Variants in ARHGEF10L observed in about 807,000 individuals in gnomAD.
ARHGEF10L encodes rho guanine nucleotide exchange factor 10-like protein.
In ARHGEF10L, 69 loss-of-function variants were observed where a neutral mutation model predicts 141.2. That is an observed-to-expected ratio of 0.49 (90% CI 0.40 to 0.60). The LOEUF (loss-of-function observed/expected upper bound fraction) is 0.60, where lower values mean the gene tolerates loss of function less well. ARHGEF10L is among the 20% of genes least tolerant of loss of function. The probability of loss-of-function intolerance (pLI) is 0.00; values close to 1 mark genes in which losing one functional copy is unlikely to be tolerated. For synonymous variants in ARHGEF10L, 711 were observed against 718.5 expected (o/e 0.99, Z 0.17); for missense variants, 1,482 against 1,734.3 (o/e 0.85, Z 2.58).
At chr1:17,689,968 T>C (rs2102541716) in intron 27 of ARHGEF10L, 1 of 393,808 alleles carries the variant, frequency 2.5e-6, no homozygotes, top group Non-Finnish European at 5.1e-6. Context: ...CCCGTTGTCT[T>C]ACTTACTCTT....
intron 1 of ARHGEF10L, among the ~76,000 whole-genome samples, chr1:17,556,294 A>AG (rs374230139): frequency 1.9e-5 from 1 of 52,692 alleles, no homozygotes; most frequent in Non-Finnish European, 2.9e-5. Flanking sequence ...CTGGGAGCAC[A>AG]GGGCGGGCCT....
At chr1:17,652,459 G>A (rs1193782333) in intron 22 of ARHGEF10L, among the ~76,000 whole-genome samples, 4 of 152,106 alleles carry the variant, frequency 2.6e-5, no homozygotes. Context: ...TTCCTGACTG[G>A]GTCACCTTGA....
At chr1:17,696,248 A>T (rs1168413948) in intron 28 of ARHGEF10L, among the ~76,000 whole-genome samples, 5 of 150,080 alleles carry the variant, frequency 3.3e-5, no homozygotes, top group African/African-American at 4.9e-5. Context: ...AAATTCTGAG[A>T]TTTTCTATTT....
chr1:17,606,142 G>A (rs531673655), intron 6 of ARHGEF10L, among the ~76,000 whole-genome samples: 3 of 152,290 alleles, frequency 2.0e-5, no homozygotes, highest in Non-Finnish European at 4.4e-5. Flanking sequence ...TGCGTGCTAT[G>A]TGTCAGGCAC....
intron 25 of ARHGEF10L, among the ~76,000 whole-genome samples, chr1:17,663,111 C>T (rs2062733348): frequency 6.6e-6 from 1 of 152,130 alleles, no homozygotes; most frequent in Non-Finnish European, 1.5e-5. Context: ...TGAGAAGAAA[C>T]AATCTTGGCG....
Position 17,642,384 on chromosome 1 carries a change from T to C in ARHGEF10L, c.2272+2082T>C, listed in dbSNP as rs548623269. Among the ~76,000 whole-genome samples the C allele has an allele frequency of 4.6e-5, 7 of 152,000 alleles. No individual in the cohort carries two copies. In the East Asian group the frequency reaches 1.4e-3, roughly 29 times the overall value. ...GGCAGATGAAGGGGAGGGAGGTAGG[T>C]GGGTGTGTTGCGGGCAGGTTTTCTG... On this transcript the variant is annotated intron_variant, in intron 21 of 28. Transcript: ENST00000361221.
chr1:17,690,540 C>G (rs940306285), intron 27 of ARHGEF10L, among the ~76,000 whole-genome samples: 1 of 152,268 alleles, frequency 6.6e-6, no homozygotes, highest in Non-Finnish European at 1.5e-5. Flanking sequence ...CCATTCCTGT[C>G]GCATCAGCTG....
At chr1:17,637,818 G>A in intron 18 of ARHGEF10L, 70 bp from the exon 19 acceptor site, 3 of 1,410,232 alleles carry the variant, frequency 2.1e-6, no homozygotes, top group Middle Eastern at 1.8e-4. Flanking sequence ...GATCTTTTTT[G>A]TTGTGAGCAG....
At chr1:17,549,650 T>C (rs772786145) in intron 1 of ARHGEF10L, among the ~76,000 whole-genome samples, 3 of 152,110 alleles carry the variant, frequency 2.0e-5, no homozygotes, top group Non-Finnish European at 4.4e-5. Context: ...TTGGCCTGTT[T>C]AGGAGGGTGT....
Position 17,697,682 on chromosome 1 carries a change from G to A in ARHGEF10L, c.*302G>A, listed in dbSNP as rs528377771. 1.2e-4 allele frequency: 64 copies of A among 551,540 alleles called. No individual in the cohort carries two copies. The highest frequency in any genetic ancestry group is 9.3e-4 in the Admixed American group (42 of 45,302). The allele number at this position is 551,540 out of a possible 1,614,324, so 34.2% of individuals were successfully genotyped here. A position where few individuals can be genotyped will look rare whatever the true frequency, so the allele number is the denominator to read the frequency against. On this transcript the variant is annotated 3_prime_UTR_variant, in exon 29 of 29. Coordinates refer to ENST00000361221, the MANE Select transcript of ARHGEF10L (RefSeq NM_018125.4). This position sits in a 1 kb window ranked among gnomAD's most constrained non-coding sequence, Gnocchi z 4.8. ...CAGTATCACTTGTTTGGGCCCTAGCGGGACTCCAAGGCAGCCACACGCCCC... is the reference window on the plus strand; with the variant it reads ...CAGTATCACTTGTTTGGGCCCTAGCAGGACTCCAAGGCAGCCACACGCCCC...
chr1:17,616,336 G>A (rs999439448), intron 9 of ARHGEF10L, 134 bp downstream of exon 9: 2 of 744,426 alleles, frequency 2.7e-6, no homozygotes, highest in Non-Finnish European at 2.2e-6. Flanking sequence ...TGGTGGTGGG[G>A]GTTGGGGGCT....
chr1:17,578,457 G>T (rs1557730396), intron 1 of ARHGEF10L, among the ~76,000 whole-genome samples: 1 of 152,238 alleles, frequency 6.6e-6, no homozygotes, highest in Admixed American at 6.5e-5. Flanking sequence ...GGTCAACAAG[G>T]GAGGATGGCT....
the ARHGEF10L span, among the ~76,000 whole-genome samples, chr1:17,517,544 C>T: frequency 6.6e-6 from 1 of 152,088 alleles, no homozygotes; most frequent in Admixed American, 6.6e-5. Flanking sequence ...AACTCCTGGC[C>T]TCAAGTAATC....
chr1:17,640,080 G>A, intron 20 of ARHGEF10L, 122 bp from the exon 21 acceptor site: 2 of 1,491,562 alleles, frequency 1.3e-6, no homozygotes, highest in Middle Eastern at 2.3e-4. Context: ...TTTTGGGGAT[G>A]CTCTGACCAG....
intron 21 of ARHGEF10L, among the ~76,000 whole-genome samples, chr1:17,645,083 A>C (rs1339587104): frequency 6.6e-6 from 1 of 152,138 alleles, no homozygotes; most frequent in Non-Finnish European, 1.5e-5. Context: ...CCTGTGTCCC[A>C]TGGGGAGCTC....
chr1:17,671,402 C>T (rs1557994605), intron 26 of ARHGEF10L, among the ~76,000 whole-genome samples: 1 of 152,172 alleles, frequency 6.6e-6, no homozygotes, highest in African/African-American at 2.4e-5. Context: ...GGGATAGTCC[C>T]TGCCTGGATG....
chr1:17,697,281 C>T lies in ARHGEF10L; in HGVS notation c.3741C>T (p.Tyr1247=), dbSNP rs2065581422. ...CCATCATCTCCGGCGGGCAGGGCTA[C>T]CGCAACTTTGGCAGCGCTCTGGGCA... ...SVAIISGGQG[Y]RNFGSALGSS... The change falls in exon 29 of 29, where the codon TAC becomes TAT. Residue 1247 remains tyrosine (Y), a synonymous_variant. Transcript: ENST00000361221. The surrounding 1 kb of genome is among the most constrained non-coding windows in gnomAD (Gnocchi z 4.8). 3 of 1,612,790 alleles carry T rather than the reference C, an allele frequency of 1.9e-6. No individual in the cohort carries two copies. In the East Asian group the frequency reaches 6.7e-5, roughly 36 times the overall value.
At chr1:17,685,359 C>T (rs1204294795) in intron 26 of ARHGEF10L, among the ~76,000 whole-genome samples, 2 of 152,178 alleles carry the variant, frequency 1.3e-5, no homozygotes, top group Non-Finnish European at 2.9e-5. Flanking sequence ...CATTGCTGTG[C>T]CCCCCACCAC....
intron 7 of ARHGEF10L, among the ~76,000 whole-genome samples, chr1:17,609,249 C>T (rs2059418404): frequency 6.6e-6 from 1 of 152,208 alleles, no homozygotes; most frequent in African/African-American, 2.4e-5. Context: ...AACACCCACA[C>T]CTGAGTCCTC....
Sources: gnomAD v4.1 joint callset for allele counts (sites outside exome capture counted in the v4.1 genomes callset) on GRCh38, gnomAD v4.1.1 for gene constraint, Gnocchi (gnomAD v3.1) non-coding constraint, MANE v1.5 for transcripts, NCBI Gene and HGNC (gene_info 2026-07-23, HGNC 2026-07-21) for gene names.